Variants in MIA2 observed in about 807,000 individuals in gnomAD.
MIA2 encodes the protein MIA SH3 domain ER export factor 2, also known as melanoma inhibitory activity protein 2.
A neutral mutation model predicts 167.8 loss-of-function variants in MIA2; 127 were observed. The observed-to-expected ratio is 0.76, with a 90% CI of 0.66 to 0.88. MIA2 has a LOEUF of 0.88. Ranked by LOEUF, MIA2 falls within the 40% of genes least tolerant of loss-of-function variation. The pLI is 0.00. For synonymous variants in MIA2, 552 were observed against 541.9 expected, an observed-to-expected ratio of 1.02 and a Z score of -0.26; for missense variants, 1,690 against 1,624.7, an observed-to-expected ratio of 1.04 and a Z score of -0.69.
chr14:39,259,478 C>T (rs1433804686), intron 6 of MIA2, among the ~76,000 whole-genome samples: 1 of 152,166 alleles, frequency 6.6e-6, no homozygotes, highest in East Asian at 1.9e-4. Flanking sequence ...TAATGGATGT[C>T]TTTTGAAAAT....
rs987161395 is a variant in MIA2, at chr14:39,293,436, A to C, written c.2319+55A>C. On this transcript the variant is annotated intron_variant, in intron 11 of 28. Coordinates refer to ENST00000640607, the MANE Select transcript of MIA2 (RefSeq NM_001329214.4). ...AGAAAAAGAAAGTTACTGAGCTTTA[A>C]AAAATTAATATGATACTGGTTAAAG... is the stretch of plus-strand genomic sequence containing the variant. The C allele has an allele frequency of 3.4e-5, 39 of 1,159,210 alleles. No homozygotes were observed. The African/African-American group carries it at 5.8e-4, about 17-fold the overall frequency. 71.8% of individuals were successfully genotyped at this position (1,159,210 alleles called of 1,614,324 possible).
intron 25 of MIA2, among the ~76,000 whole-genome samples, chr14:39,329,664 T>G (rs1357377353): frequency 6.6e-6 from 1 of 151,392 alleles, no homozygotes; most frequent in African/African-American, 2.4e-5. Context: ...TTTTTTTTTT[T>G]TTTTTTAGCA....
Position 39,326,930 on chromosome 14 carries a change from A to T in MIA2, c.3563A>T (p.Asp1188Val). 6.3e-7 allele frequency: 1 copy of T among 1,598,522 alleles called. No homozygotes were observed. Among genetic ancestry groups the T allele is most frequent in the Admixed American group, 1.7e-5 (1 of 57,752 alleles). ...AATGAAAGAGGAGAATCAAGCTGTG[A>T]TAGGTTAACCGATCCTCATAGGGCT... ...ITNERGESSC[D>V]RLTDPHRAPS... is the part of the protein sequence containing the mutation. Residue 1188 changes from aspartate to valine, a missense_variant, in exon 25 of 29, where the codon GAT (aspartate) becomes GTT (valine). By Grantham distance (152) the Asp-to-Val change is radical. Coordinates refer to ENST00000640607, the MANE Select transcript of MIA2 (RefSeq NM_001329214.4).
chr14:39,255,123 G>A (rs1292917304), intron 6 of MIA2, among the ~76,000 whole-genome samples: 2 of 152,124 alleles, frequency 1.3e-5, no homozygotes, highest in Non-Finnish European at 2.9e-5. Flanking sequence ...ATTCAAGAGA[G>A]TTGACATTAC....
intron 15 of MIA2, among the ~76,000 whole-genome samples, chr14:39,303,038 A>G (rs1446950293): frequency 6.6e-6 from 1 of 152,186 alleles, no homozygotes; most frequent in Non-Finnish European, 1.5e-5. Flanking sequence ...TAAAATAAGT[A>G]TATAAAGTTC....
At chr14:39,346,697 T>A (rs1407030630) in intron 26 of MIA2, among the ~76,000 whole-genome samples, 1 of 148,630 alleles carries the variant, frequency 6.7e-6, no homozygotes, top group African/African-American at 2.4e-5. Context: ...GTTATATATA[T>A]AATTTTAAAA....
intron 24 of MIA2, among the ~76,000 whole-genome samples, chr14:39,322,277 T>C (rs1282488281): frequency 2.0e-5 from 3 of 152,140 alleles, no homozygotes; most frequent in African/African-American, 7.2e-5. Flanking sequence ...GCGTGGTGGC[T>C]CATGCCTGTA....
intron 6 of MIA2, chr14:39,267,550 T>C (rs1192387941): frequency 6.2e-7 from 1 of 1,611,064 alleles, no homozygotes; most frequent in Non-Finnish European, 8.5e-7. Flanking sequence ...GAGTGTTACG[T>C]GGCCCAGGGG....
intron 14 of MIA2, among the ~76,000 whole-genome samples, chr14:39,301,030 A>G (rs1330695288): frequency 1.1e-4 from 9 of 84,100 alleles, no homozygotes; most frequent in Non-Finnish European, 1.9e-4. Context: ...ACACATATAT[A>G]CATATACATA....
chr14:39,330,047 C>A (rs540527246), intron 25 of MIA2, among the ~76,000 whole-genome samples: 23 of 152,242 alleles, frequency 1.5e-4, no homozygotes, highest in African/African-American at 4.3e-4. Context: ...AGGAATGGTA[C>A]CAGCTCCTCC....
intron 9 of MIA2, 103 bp downstream of exon 9, chr14:39,279,640 G>T: frequency 4.0e-6 from 3 of 745,806 alleles, no homozygotes; most frequent in Non-Finnish European, 4.3e-6. Flanking sequence ...TGCTTTGTTT[G>T]CAGAGTATGA....
At chr14:39,267,112 T>TGCGGCTGTCC (rs1421193404) in intron 6 of MIA2, 2 of 1,127,880 alleles carry the variant, frequency 1.8e-6, no homozygotes, top group African/African-American at 3.3e-5. Context: ...AGGGGAAGTT[T>TGCGGCTGTCC]GCGGCTGTCC....
intron 26 of MIA2, 191 bp from the exon 27 acceptor site, chr14:39,347,522 A>G (rs972951889): frequency 1.5e-5 from 9 of 582,256 alleles, no homozygotes; most frequent in African/African-American, 5.8e-5. Context: ...ACATGCCATC[A>G]TAGAACTCTG....
chr14:39,289,473 A>G (rs2060431572), intron 9 of MIA2, among the ~76,000 whole-genome samples: 1 of 152,122 alleles, frequency 6.6e-6, no homozygotes, highest in Admixed American at 6.5e-5. Context: ...CTGGCCTCCT[A>G]AAGTGCTAGG....
chr14:39,267,128 T>C, intron 6 of MIA2: 1 of 1,149,206 alleles, frequency 8.7e-7, no homozygotes. Flanking sequence ...TGTCCGCGCC[T>C]CCCCGCCTTC....
intron 9 of MIA2, among the ~76,000 whole-genome samples, chr14:39,285,617 G>GA (rs1235514262): frequency 4.6e-4 from 4 of 8,788 alleles, no homozygotes; most frequent in South Asian, 3.0e-3. Flanking sequence ...GGCGGGGGCT[G>GA]CCCCCCACCT....
chr14:39,327,242 T>G (rs1184370697), intron 25 of MIA2, among the ~76,000 whole-genome samples: 4 of 152,202 alleles, frequency 2.6e-5, no homozygotes, highest in Non-Finnish European at 2.9e-5. Context: ...TTTTTATTGT[T>G]TTTGTTGCTT....
intron 23 of MIA2, among the ~76,000 whole-genome samples, chr14:39,365,685 A>G (rs1254934045): frequency 1.4e-5 from 2 of 139,182 alleles, no homozygotes; most frequent in African/African-American, 6.4e-5. Flanking sequence ...CTATCTATCT[A>G]TCTATCTATC....
At chr14:39,386,669 G>T in intron 23 of MIA2, 1 of 1,104,130 alleles carries the variant, frequency 9.1e-7, no homozygotes. Flanking sequence ...CCAGATCAAA[G>T]ACCTTCTCAT....
Sources: allele counts gnomAD v4.1 joint callset (sites outside exome capture counted in the v4.1 genomes callset), GRCh38; gene constraint gnomAD v4.1.1; transcripts MANE v1.5; gene names NCBI Gene and HGNC (gene_info 2026-07-23, HGNC 2026-07-21).